Variants in MAP2 observed in about 807,000 individuals in gnomAD.
MAP2 encodes microtubule associated protein 2.
In MAP2, 14 loss-of-function variants were observed where a neutral mutation model predicts 137.6. The observed-to-expected ratio is 0.10, with a 90% CI of 0.07 to 0.16. The LOEUF (loss-of-function observed/expected upper bound fraction) is 0.16. MAP2 is among the 10% of genes least tolerant of loss of function. The pLI is 1.00. For synonymous variants in MAP2, 786 were observed against 782.3 expected (o/e 1.00, Z -0.08); for missense variants, 2,088 against 2,191.5 (o/e 0.95, Z 0.94).
chr2:209,635,440 T>A (rs2093467302), intron 4 of MAP2, among the ~76,000 whole-genome samples: 1 of 152,172 alleles, frequency 6.6e-6, no homozygotes, highest in Admixed American at 6.5e-5. Context: ...GAGTTGATGC[T>A]TTTGCAAAAA....
chr2:209,446,273 G>T (rs577033283), intron 1 of MAP2, among the ~76,000 whole-genome samples: 5 of 151,808 alleles, frequency 3.3e-5, no homozygotes, highest in African/African-American at 1.2e-4. Flanking sequence ...TAGACCTTTA[G>T]TTAACAATTT....
At chr2:209,554,686 G>C (rs2070092911) in intron 2 of MAP2, among the ~76,000 whole-genome samples, 1 of 151,868 alleles carries the variant, frequency 6.6e-6, no homozygotes, top group South Asian at 2.1e-4. Context: ...GGATGTTGAG[G>C]CTGCAGTGAG....
In MAP2 at chr2:209,593,398, T is replaced by C. The variant is rs566771346; in HGVS notation, c.-107+13298T>C. On this transcript the variant is annotated intron_variant, in intron 3 of 15. Transcript: ENST00000682079. ...ACTAGTTGAGGATCATAGGTCGCTG[T>C]TGTAAGTTCCTTTGCAGTTGTGTAG... Among the ~76,000 whole-genome samples, 51 of 150,598 alleles carry C rather than the reference T, an allele frequency of 3.4e-4. 1 individual carries two copies. Among genetic ancestry groups the C allele is most frequent in the African/African-American group, 1.0e-3 (41 of 41,116 alleles).
At chr2:209,714,918 A>G (rs1416130514) in intron 13 of MAP2, among the ~76,000 whole-genome samples, 14 of 152,246 alleles carry the variant, frequency 9.2e-5, no homozygotes, top group Non-Finnish European at 1.2e-4. Flanking sequence ...TGTTTGCCTT[A>G]CCTTTCATTT....
At chr2:209,721,970 A>C (rs954060152) in intron 13 of MAP2, 5 of 152,194 alleles carry the variant, frequency 3.3e-5, no homozygotes, top group African/African-American at 1.2e-4. Context: ...ATCCTGCTTA[A>C]ATTCCAAGAT....
chr2:209,649,748 G>A (rs2094652786), intron 4 of MAP2, among the ~76,000 whole-genome samples: 1 of 152,104 alleles, frequency 6.6e-6, no homozygotes, highest in African/African-American at 2.4e-5. Context: ...CAATACCTGA[G>A]TAATCTGCAT....
At chr2:209,574,802 CAG>C (rs2075037421) in intron 2 of MAP2, among the ~76,000 whole-genome samples, 1 of 152,122 alleles carries the variant, frequency 6.6e-6, no homozygotes, top group Admixed American at 6.6e-5. Flanking sequence ...TAAGGCAAAA[CAG>C]TGTTCAGTGA....
intron 13 of MAP2, among the ~76,000 whole-genome samples, chr2:209,711,664 G>T (rs1158926237): frequency 6.6e-6 from 1 of 152,140 alleles, no homozygotes; most frequent in Non-Finnish European, 1.5e-5. Context: ...ACATGCAAGA[G>T]AAGGAAATAT....
At chr2:209,509,133 TTTTATTTTA>T in intron 2 of MAP2, among the ~76,000 whole-genome samples, 4 of 152,118 alleles carry the variant, frequency 2.6e-5, no homozygotes, top group Admixed American at 2.6e-4. Flanking sequence ...TTCCTGATTT[TTTTATTTTA>T]TAGTTTATAT....
At chr2:209,618,863 A>C (rs1040256392) in intron 3 of MAP2, among the ~76,000 whole-genome samples, 1 of 152,220 alleles carries the variant, frequency 6.6e-6, no homozygotes, top group Admixed American at 6.5e-5. Flanking sequence ...CACAATAGCC[A>C]AGATATGGAA....
intron 7 of MAP2, among the ~76,000 whole-genome samples, chr2:209,684,812 T>C (rs1229970124): frequency 6.6e-6 from 1 of 152,200 alleles, no homozygotes; most frequent in Non-Finnish European, 1.5e-5. Context: ...TGCCCACTTC[T>C]AGTAAAAGGA....
At chr2:209,665,002 G>C (rs1284162771) in intron 5 of MAP2, among the ~76,000 whole-genome samples, 1 of 135,080 alleles carries the variant, frequency 7.4e-6, no homozygotes, top group South Asian at 2.5e-4. Flanking sequence ...AAGAAGAAAA[G>C]AAAGGAAAAC....
chr2:209,632,378 G>A (rs767819483), intron 4 of MAP2, among the ~76,000 whole-genome samples: 6 of 152,126 alleles, frequency 3.9e-5, no homozygotes, highest in African/African-American at 7.2e-5. Context: ...AGAGAAAAAT[G>A]AGAAGGATAT....
chr2:209,520,256 C>G (rs1200895742), intron 2 of MAP2, among the ~76,000 whole-genome samples: 1 of 151,984 alleles, frequency 6.6e-6, no homozygotes, highest in African/African-American at 2.4e-5. Context: ...AGACAGGCTT[C>G]CCTATAAGAT....
chr2:209,557,447 T>C (rs890783109), intron 2 of MAP2, among the ~76,000 whole-genome samples: 20 of 152,174 alleles, frequency 1.3e-4, no homozygotes, highest in Admixed American at 2.0e-4. Context: ...GCTGCTACAT[T>C]CCAACTTGGT....
intron 2 of MAP2, among the ~76,000 whole-genome samples, chr2:209,530,807 G>A (rs1312907704): frequency 2.6e-5 from 4 of 152,102 alleles, no homozygotes; most frequent in African/African-American, 9.7e-5. Flanking sequence ...TTTGCTCCAG[G>A]TCACATAGAT....
intron 2 of MAP2, among the ~76,000 whole-genome samples, chr2:209,543,897 A>C (rs527372588): frequency 6.6e-6 from 1 of 152,308 alleles, no homozygotes; most frequent in Admixed American, 6.5e-5. Flanking sequence ...CTGTCTCTCT[A>C]AAAGTTTTCG....
At position 209,695,649 on chromosome 2, in the gene MAP2, T is replaced by C; in HGVS notation, c.3479T>C (p.Leu1160Pro). 1 of 1,614,084 alleles carries C rather than the reference T, an allele frequency of 6.2e-7. No homozygotes were observed. The highest frequency in any genetic ancestry group is 8.5e-7 in the Non-Finnish European group (1 of 1,179,992). ...AAGGAAACATCTCCAGAATCATCTC[T>C]AATTCAAGATGAGATTGCCGTCAAA... Reference protein sequence around the residue: ...GKKETSPESSLIQDEIAVKLS... With the variant: ...GKKETSPESSPIQDEIAVKLS... Residue 1160 changes from leucine to proline, a missense_variant, in exon 8 of 16, where the codon CTA (leucine) becomes CCA (proline). Leu to Pro is a moderately conservative substitution (Grantham distance 98). Coordinates refer to ENST00000682079, the MANE Select transcript of MAP2 (RefSeq NM_001375505.1).
At chr2:209,707,347 A>T (rs2063760919) in intron 12 of MAP2, among the ~76,000 whole-genome samples, 2 of 152,154 alleles carry the variant, frequency 1.3e-5, no homozygotes, top group Non-Finnish European at 2.9e-5. Context: ...GATAATTTTA[A>T]AACATAGGAT....
Sources: allele counts gnomAD v4.1 joint callset (sites outside exome capture counted in the v4.1 genomes callset), GRCh38; gene constraint gnomAD v4.1.1; transcripts MANE v1.5; gene names NCBI Gene and HGNC (gene_info 2026-07-23, HGNC 2026-07-21).